Variants in CADM2 observed in about 807,000 individuals in gnomAD.
CADM2 encodes immunoglobulin superfamily member 4D.
In CADM2, 12 loss-of-function variants were observed where a neutral mutation model predicts 49.8. The ratio of observed to expected loss-of-function variants is 0.24; its 90% confidence interval spans 0.15 to 0.39. The LOEUF is 0.39. CADM2 is among the 10% of genes least tolerant of loss of function. CADM2 has a pLI of 1.00. For synonymous variants in CADM2, 214 were observed against 175.4 expected (o/e 1.22, Z -1.74); for missense variants, 378 against 492.3 (o/e 0.77, Z 2.20).
chr3:86,046,115 T>C (rs980320042), intron 8 of CADM2, among the ~76,000 whole-genome samples: 29 of 152,286 alleles, frequency 1.9e-4, no homozygotes, highest in African/African-American at 6.7e-4. Context: ...ATTTAAGGAC[T>C]ATTAAATTAA....
intron 8 of CADM2, among the ~76,000 whole-genome samples, chr3:86,056,528 T>C (rs1365612384): frequency 6.6e-6 from 1 of 152,164 alleles, no homozygotes; most frequent in East Asian, 1.9e-4. Context: ...TATTGTGAAA[T>C]AATTAGGATG....
intron 1 of CADM2, among the ~76,000 whole-genome samples, chr3:85,406,417 A>G (rs1046939266): frequency 1.3e-5 from 2 of 152,222 alleles, no homozygotes; most frequent in African/African-American, 4.8e-5. Context: ...ACTTAATGCA[A>G]CAATAAATAT....
At chr3:85,311,731 T>C (rs571398340) in intron 1 of CADM2, among the ~76,000 whole-genome samples, 1 of 152,290 alleles carries the variant, frequency 6.6e-6, no homozygotes, top group South Asian at 2.1e-4. Context: ...CTTTACTTTC[T>C]AAGACAAACA....
intron 6 of CADM2, among the ~76,000 whole-genome samples, chr3:85,921,741 T>C (rs1157832959): frequency 6.6e-6 from 1 of 151,618 alleles, no homozygotes; most frequent in Non-Finnish European, 1.5e-5. Flanking sequence ...TATAATGTCA[T>C]GTATCTACTG....
intron 1 of CADM2, among the ~76,000 whole-genome samples, chr3:85,315,255 A>C (rs1378318617): frequency 6.6e-6 from 1 of 152,184 alleles, no homozygotes; most frequent in Non-Finnish European, 1.5e-5. Context: ...TCTTGAAAGT[A>C]TTCTCCCCTC....
intron 1 of CADM2, among the ~76,000 whole-genome samples, chr3:85,719,372 C>T (rs1168090533): frequency 6.6e-6 from 1 of 152,118 alleles, no homozygotes; most frequent in Non-Finnish European, 1.5e-5. Flanking sequence ...GGGCCACTGA[C>T]TCCCCACCAC....
intron 2 of CADM2, among the ~76,000 whole-genome samples, chr3:85,785,164 CT>C (rs1297753834): frequency 6.6e-6 from 1 of 151,924 alleles, no homozygotes; most frequent in Non-Finnish European, 1.5e-5. Flanking sequence ...TTACTTGGGT[CT>C]TTTTTCTGTT....
intron 1 of CADM2, among the ~76,000 whole-genome samples, chr3:85,565,450 A>G (rs933149911): frequency 2.6e-5 from 4 of 152,068 alleles, no homozygotes; most frequent in Admixed American, 2.6e-4. Context: ...CAACTTCAGG[A>G]TACTTCTAAG....
At chr3:85,234,599 A>G (rs1481207850) in intron 1 of CADM2, among the ~76,000 whole-genome samples, 1 of 152,190 alleles carries the variant, frequency 6.6e-6, no homozygotes, top group African/African-American at 2.4e-5. Flanking sequence ...ACTGCTGTAT[A>G]TCAAGAATCA....
At position 86,021,578 on chromosome 3, in the gene CADM2, A is replaced by C. The variant is rs180881349; in HGVS notation, c.971-44027A>C. 3.7e-4 allele frequency among the ~76,000 whole-genome samples: 57 copies of C among 152,292 alleles called. No homozygotes were observed. In the East Asian group the frequency reaches 9.5e-3, roughly 25 times the overall value. On this transcript the variant is annotated intron_variant, in intron 8 of 9. Coordinates refer to ENST00000383699, the MANE Select transcript of CADM2 (RefSeq NM_001167675.2). ...CCATTTAGCTTAATGTATGGTTTCA[A>C]GTAAATGATGTGCTACTCACTGTAA...
At chr3:85,980,053 T>TA (rs896886727) in intron 8 of CADM2, among the ~76,000 whole-genome samples, 38 of 150,320 alleles carry the variant, frequency 2.5e-4, no homozygotes, top group Non-Finnish European at 3.7e-4. Flanking sequence ...ATGAGGAAAT[T>TA]AAAAAAAAAT....
intron 1 of CADM2, among the ~76,000 whole-genome samples, chr3:85,344,183 G>A (rs1391514219): frequency 1.3e-5 from 2 of 151,670 alleles, no homozygotes; most frequent in African/African-American, 2.4e-5. Flanking sequence ...AGACCATCTT[G>A]GCTAACACGG....
chr3:85,935,638 A>G, intron 6 of CADM2, 129 bp from the exon 7 acceptor site: 1 of 426,058 alleles, frequency 2.3e-6, no homozygotes, highest in Non-Finnish European at 4.2e-6. Flanking sequence ...AATCTAAGAA[A>G]TCCTTTATAA....
At chr3:85,620,909 A>AT (rs906721691) in intron 1 of CADM2, among the ~76,000 whole-genome samples, 64 of 152,234 alleles carry the variant, frequency 4.2e-4, no homozygotes, top group Non-Finnish European at 7.7e-4. Flanking sequence ...ATGACAGTCA[A>AT]TTTTTTTGGA....
At chr3:85,776,137 G>A (rs1268803358) in intron 2 of CADM2, among the ~76,000 whole-genome samples, 1 of 151,686 alleles carries the variant, frequency 6.6e-6, no homozygotes, top group East Asian at 1.9e-4. Flanking sequence ...TGTTATACTA[G>A]TAAAATGAAG....
intron 1 of CADM2, among the ~76,000 whole-genome samples, chr3:84,973,156 G>T (rs996324583): frequency 6.6e-6 from 1 of 152,082 alleles, no homozygotes; most frequent in Non-Finnish European, 1.5e-5. Context: ...CAGGTGATCC[G>T]CCAACCTCGG....
chr3:85,140,522 C>G (rs1181441082), intron 1 of CADM2, among the ~76,000 whole-genome samples: 3 of 152,196 alleles, frequency 2.0e-5, no homozygotes, highest in Non-Finnish European at 2.9e-5. Flanking sequence ...CTTTTTAACT[C>G]TGTCCTTGTA....
intron 1 of CADM2, among the ~76,000 whole-genome samples, chr3:84,980,995 ACT>A (rs879385931): frequency 1.3e-5 from 2 of 151,972 alleles, no homozygotes; most frequent in Non-Finnish European, 2.9e-5. Flanking sequence ...TTATTATTAT[ACT>A]TTAAGTTTTA....
chr3:85,218,891 T>A (rs1443287478), intron 1 of CADM2, among the ~76,000 whole-genome samples: 1 of 152,198 alleles, frequency 6.6e-6, no homozygotes, highest in Non-Finnish European at 1.5e-5. Context: ...AGGACTATAA[T>A]CTAGTTACCC....
Sources: gnomAD v4.1 joint callset for allele counts (sites outside exome capture counted in the v4.1 genomes callset) on GRCh38, gnomAD v4.1.1 for gene constraint, MANE v1.5 for transcripts, NCBI Gene and HGNC (gene_info 2026-07-23, HGNC 2026-07-21) for gene names.